TRA2A: variants seen among roughly 807,000 people sequenced by gnomAD.
TRA2A encodes the protein transformer 2 alpha homolog, also known as transformer-2 protein homolog alpha.
A neutral mutation model predicts 45.7 loss-of-function variants in TRA2A; 31 were observed. That is an observed-to-expected ratio of 0.68 (90% CI 0.51 to 0.92). The LOEUF is 0.92. TRA2A is among the 40% of genes least tolerant of loss of function. The pLI, the probability that TRA2A is intolerant of heterozygous loss-of-function variation, is 0.00. For missense variants in TRA2A, 304 were observed against 367.5 expected, an observed-to-expected ratio of 0.83 and a Z score of 1.41; for synonymous variants, 132 against 126.2, an observed-to-expected ratio of 1.05 and a Z score of -0.31.
intron 6 of TRA2A, 50 bp downstream of exon 6, chr7:23,506,088 A>G: frequency 6.7e-7 from 1 of 1,487,450 alleles, no homozygotes; most frequent in Non-Finnish European, 9.2e-7. Flanking sequence ...AGTGCCAAGT[A>G]ACACTACTAT....
rs548750341 is a variant in TRA2A, at chr7:23,525,777, G to A, written c.37-3937C>T. ...TGGCTAACTTTTGTATTTTATTTTA[G>A]TAGAGACGGGGTTTCACCACATTGG... is the stretch of plus-strand genomic sequence containing the variant. On this transcript the variant is annotated intron_variant, in intron 1 of 7. Transcript: ENST00000297071. 2.0e-5 allele frequency among the ~76,000 whole-genome samples: 3 copies of A among 152,190 alleles called. No homozygotes were observed. In the East Asian group the frequency reaches 5.8e-4, roughly 29 times the overall value.
At chr7:23,530,411 G>A (rs145079932) in intron 1 of TRA2A, among the ~76,000 whole-genome samples, 1 of 152,252 alleles carries the variant, frequency 6.6e-6, no homozygotes, top group East Asian at 1.9e-4. Context: ...CTTCTGATTT[G>A]ACTTTTTGGT....
chr7:23,531,815 C>G lies in TRA2A; in HGVS notation c.10G>C (p.Val4Leu), dbSNP rs753004826. 6.2e-7 allele frequency: 1 copy of G among 1,613,742 alleles called. No homozygotes were observed. Among genetic ancestry groups the G allele is most frequent in the Non-Finnish European group, 8.5e-7 (1 of 1,180,052 alleles). The change falls in exon 1 of 8, where the codon GTG (valine) becomes CTG (leucine). Residue 4 changes from valine (V) to leucine (L), a missense_variant. Around this residue, in one of 3 missense-constraint regions of TRA2A, gnomAD observed 132 missense variants for 113.4 expected, o/e 1.16. Transcript: ENST00000297071. The part of the protein sequence containing the change: MSD[V>L]EENNFEGRES... Reference sequence around the variant, plus strand: ...CTGCCCTCGAAGTTGTTTTCCTCCACATCACTCATGTCGACGAGGCGCTCC... The same window carrying G: ...CTGCCCTCGAAGTTGTTTTCCTCCAGATCACTCATGTCGACGAGGCGCTCC...
intron 1 of TRA2A, 161 bp downstream of exon 1, chr7:23,531,628 G>C: frequency 1.4e-6 from 1 of 713,152 alleles, no homozygotes; most frequent in Non-Finnish European, 2.3e-6. Context: ...TGGGGAAGGA[G>C]TGGAACCCAG....
intron 1 of TRA2A, among the ~76,000 whole-genome samples, chr7:23,526,434 T>C (rs1295546463): frequency 6.6e-6 from 1 of 152,164 alleles, no homozygotes; most frequent in Non-Finnish European, 1.5e-5. Flanking sequence ...TCTATTTCCA[T>C]AGATACACAC....
intron 2 of TRA2A, among the ~76,000 whole-genome samples, chr7:23,517,270 C>G (rs1268274010): frequency 6.6e-6 from 1 of 150,986 alleles, no homozygotes; most frequent in Non-Finnish European, 1.5e-5. Context: ...ATCACGAGGT[C>G]AGGAGATCGA....
chr7:23,517,323 C>CAAAAAAAA (rs1177603097), intron 2 of TRA2A, among the ~76,000 whole-genome samples: 2 of 145,822 alleles, frequency 1.4e-5, no homozygotes, highest in East Asian at 4.2e-4. Flanking sequence ...ACTAAAAATA[C>CAAAAAAAA]AAAAAATTAG....
At chr7:23,512,389 T>A (rs192106918) in intron 4 of TRA2A, among the ~76,000 whole-genome samples, 15 of 152,150 alleles carry the variant, frequency 9.9e-5, no homozygotes, top group Admixed American at 7.9e-4. Flanking sequence ...GAGGCTGAGG[T>A]AGGAGGACTG....
At chr7:23,520,833 C>T (rs1790104014) in intron 2 of TRA2A, among the ~76,000 whole-genome samples, 1 of 151,986 alleles carries the variant, frequency 6.6e-6, no homozygotes, top group Non-Finnish European at 1.5e-5. Flanking sequence ...GCTGGGACTA[C>T]AGGTGCCCGC....
Position 23,513,017 on chromosome 7 carries a change from A to T in TRA2A, c.402T>A (p.Asp134Glu), listed in dbSNP as rs1040399702. ...CATATCGAGAAAATACTTCACGAAGATCCCTCTCTGTTGTGTACAAACTGA... is the reference window on the plus strand; with the variant it reads ...CATATCGAGAAAATACTTCACGAAGTTCCCTCTCTGTTGTGTACAAACTGA... ...FGLSLYTTERDLREVFSRYGP... is the reference protein window; with the variant it reads ...FGLSLYTTERELREVFSRYGP... Residue 134 changes from aspartate (D) to glutamate (E), a missense_variant, in exon 4 of 8, where the codon GAT (aspartate) becomes GAA (glutamate). Coordinates refer to ENST00000297071, the MANE Select transcript of TRA2A (RefSeq NM_013293.5). The T allele has an allele frequency of 6.2e-7, 1 of 1,614,080 alleles. No homozygotes were observed. The highest frequency in any genetic ancestry group is 8.5e-7 in the Non-Finnish European group (1 of 1,179,974).
At chr7:23,515,477 A>C (rs1789823218) in intron 3 of TRA2A, among the ~76,000 whole-genome samples, 1 of 151,974 alleles carries the variant, frequency 6.6e-6, no homozygotes, top group African/African-American at 2.4e-5. Context: ...TCGGCCTCCC[A>C]AAGTGCTGGG....
At chr7:23,520,242 A>C (rs2390788) in intron 2 of TRA2A, among the ~76,000 whole-genome samples, 56,167 of 151,914 alleles carry the variant, frequency 0.37, 10,620 homozygotes, top group South Asian at 0.43. Context: ...CAAACAAGAA[A>C]CTCTTCAGGA....
Position 23,517,503 on chromosome 7 carries a change from A to AAAAAAAAAAAAAAAAAG in TRA2A, c.171-976_171-975insCTTTTTTTTTTTTTTTT, listed in dbSNP as rs764849438. ...AAAAAAAAAAAAAAAAAAAAAAAAA[A>AAAAAAAAAAAAAAAAAG]AGAGAGAAAGAAAGAAAAATCACTT... is the stretch of plus-strand genomic sequence containing the variant. On this transcript the variant is annotated intron_variant, in intron 2 of 7. Coordinates refer to ENST00000297071, the MANE Select transcript of TRA2A (RefSeq NM_013293.5). 2.3e-3 allele frequency among the ~76,000 whole-genome samples: 268 copies of AAAAAAAAAAAAAAAAAG among 116,190 alleles called. 22 individuals carry two copies. The highest frequency in any genetic ancestry group is 6.7e-3 in the East Asian group (20 of 2,986). The allele number at this position is 116,190 out of a possible 152,430, so 76.2% of individuals were successfully genotyped here. A position where few individuals can be genotyped will look rare whatever the true frequency, so the allele number is the denominator to read the frequency against.
intron 2 of TRA2A, among the ~76,000 whole-genome samples, chr7:23,518,778 G>C (rs977903490): frequency 1.3e-5 from 2 of 151,302 alleles, no homozygotes; most frequent in Non-Finnish European, 2.9e-5. Context: ...TCCACTTCCT[G>C]GGTTCAAGCG....
At chr7:23,514,605 T>C (rs1023624953) in intron 3 of TRA2A, among the ~76,000 whole-genome samples, 5 of 152,130 alleles carry the variant, frequency 3.3e-5, no homozygotes, top group African/African-American at 1.2e-4. Flanking sequence ...TCTTTCTTTT[T>C]TTTTTCTGAG....
chr7:23,523,721 C>T (rs570820135), intron 1 of TRA2A, among the ~76,000 whole-genome samples: 7 of 152,214 alleles, frequency 4.6e-5, no homozygotes, highest in African/African-American at 1.7e-4. Flanking sequence ...AACCACTCAA[C>T]AGATGTCTGG....
chr7:23,531,022 T>C (rs1790559889), intron 1 of TRA2A, among the ~76,000 whole-genome samples: 1 of 151,854 alleles, frequency 6.6e-6, no homozygotes, highest in Non-Finnish European at 1.5e-5. Context: ...AAACCCAACA[T>C]CGAGGAATTA....
chr7:23,522,312 AT>A (rs529065986), intron 1 of TRA2A: 9 of 1,179,958 alleles, frequency 7.6e-6, no homozygotes, highest in Admixed American at 7.2e-5. Context: ...CTTCTGTTCA[AT>A]TTTTTCCCCC....
At chr7:23,530,558 CTTTTG>C (rs900855307) in intron 1 of TRA2A, among the ~76,000 whole-genome samples, 17 of 152,178 alleles carry the variant, frequency 1.1e-4, no homozygotes, top group Non-Finnish European at 1.2e-4. Context: ...TTGCATGGGG[CTTTTG>C]TTTTCTTTCC....
Sources: allele counts gnomAD v4.1 joint callset (sites outside exome capture counted in the v4.1 genomes callset), GRCh38; gene constraint gnomAD v4.1.1; regional missense constraint gnomAD v4.1.1; transcripts MANE v1.5; gene names NCBI Gene and HGNC (gene_info 2026-07-23, HGNC 2026-07-21).